Variants in CCSER1 observed in about 807,000 individuals in gnomAD.
CCSER1 encodes coiled-coil serine rich protein 1.
CCSER1 carries 41 observed loss-of-function variants against 82.0 expected under a neutral mutation model. That is an observed-to-expected ratio of 0.50 (90% confidence interval 0.39 to 0.65). CCSER1 has a LOEUF of 0.65. Among genes scored for constraint, CCSER1 ranks in the 30% least tolerant of loss-of-function variants. The pLI is 0.00. For missense variants in CCSER1, 1,119 were observed against 1,064.2 expected, an observed-to-expected ratio of 1.05 and a Z score of -0.72; for synonymous variants, 414 against 383.9, an observed-to-expected ratio of 1.08 and a Z score of -0.92.
chr4:90,643,437 A>G (rs1579664756), intron 6 of CCSER1, among the ~76,000 whole-genome samples: 1 of 152,302 alleles, frequency 6.6e-6, no homozygotes, highest in East Asian at 1.9e-4. Flanking sequence ...CATTAGTTTT[A>G]GGAGCAAGAA....
At chr4:91,376,423 A>G (rs1409359551) in intron 10 of CCSER1, among the ~76,000 whole-genome samples, 1 of 152,184 alleles carries the variant, frequency 6.6e-6, no homozygotes, top group Admixed American at 6.6e-5. Flanking sequence ...ATCTAAACAC[A>G]GGAAAGGTAC....
chr4:91,236,686 T>C (rs1739037524), intron 10 of CCSER1, among the ~76,000 whole-genome samples: 1 of 152,186 alleles, frequency 6.6e-6, no homozygotes, highest in African/African-American at 2.4e-5. Context: ...ATTTTCTAGT[T>C]TCCAAGAAAC....
At chr4:90,690,755 T>C (rs937141364) in intron 6 of CCSER1, among the ~76,000 whole-genome samples, 19 of 152,038 alleles carry the variant, frequency 1.2e-4, no homozygotes, top group African/African-American at 4.3e-4. Flanking sequence ...TTTATGTCTC[T>C]CTTTAAGTTA....
intron 10 of CCSER1, among the ~76,000 whole-genome samples, chr4:91,305,683 G>GT (rs1745007435): frequency 6.6e-6 from 1 of 151,506 alleles, no homozygotes; most frequent in African/African-American, 2.4e-5. Flanking sequence ...GTGTGCATGT[G>GT]TGTATTAGTC....
chr4:91,225,324 GTAT>G (rs1343952501), intron 10 of CCSER1, among the ~76,000 whole-genome samples: 2 of 118,774 alleles, frequency 1.7e-5, no homozygotes, highest in East Asian at 2.4e-4. Context: ...TAATATATAT[GTAT>G]ATATATTATA....
rs549993933 is a variant in CCSER1 at position 91,230,331 on chromosome 4, G to A, written c.2217+144337G>A. On this transcript the variant is annotated intron_variant, in intron 10 of 10. Transcript: ENST00000509176. ...AGCAAGAGTTTGGAAAGAAAGGGAC[G>A]AGGAAAGTTGGAGGCAGCTCCTTCC... Among the ~76,000 whole-genome samples the A allele has an allele frequency of 3.1e-3, 474 of 152,144 alleles. 1 individual carries two copies. The highest frequency in any genetic ancestry group is 0.011 in the African/African-American group (442 of 41,536).
chr4:90,663,645 A>G (rs1294738562), intron 6 of CCSER1, among the ~76,000 whole-genome samples: 1 of 152,190 alleles, frequency 6.6e-6, no homozygotes, highest in Non-Finnish European at 1.5e-5. Context: ...TACCACACCC[A>G]GCCTATACTT....
intron 10 of CCSER1, among the ~76,000 whole-genome samples, chr4:91,369,279 A>T (rs1749850217): frequency 6.6e-6 from 1 of 152,216 alleles, no homozygotes; most frequent in Admixed American, 6.5e-5. Context: ...CGGCGATGAA[A>T]CAAGGCAACA....
chr4:90,948,586 T>G (rs1732538744), intron 9 of CCSER1, among the ~76,000 whole-genome samples: 1 of 152,022 alleles, frequency 6.6e-6, no homozygotes, highest in Admixed American at 6.6e-5. Context: ...ATACACAGAT[T>G]ATGAGAATAT....
intron 10 of CCSER1, among the ~76,000 whole-genome samples, chr4:91,444,913 G>A (rs931523369): frequency 2.0e-5 from 3 of 152,190 alleles, no homozygotes; most frequent in African/African-American, 7.2e-5. Context: ...CTCACACTAT[G>A]GCTAAACATT....
intron 3 of CCSER1, among the ~76,000 whole-genome samples, chr4:90,327,215 C>T (rs1738382462): frequency 6.6e-6 from 1 of 152,138 alleles, no homozygotes; most frequent in Non-Finnish European, 1.5e-5. Context: ...TTTGAATGCT[C>T]TCCTCAAAAT....
At chr4:90,528,821 G>C (rs1004224314) in intron 5 of CCSER1, among the ~76,000 whole-genome samples, 1 of 152,092 alleles carries the variant, frequency 6.6e-6, no homozygotes, top group Non-Finnish European at 1.5e-5. Context: ...AGGTCACCTT[G>C]TCTGTTTTTA....
At chr4:90,784,129 T>C (rs1754163452) in intron 7 of CCSER1, among the ~76,000 whole-genome samples, 1 of 152,164 alleles carries the variant, frequency 6.6e-6, no homozygotes, top group Non-Finnish European at 1.5e-5. Context: ...AGAGAGTAAA[T>C]AAGCTAAAAG....
At chr4:90,701,109 G>A (rs1047843239) in intron 6 of CCSER1, among the ~76,000 whole-genome samples, 17 of 152,088 alleles carry the variant, frequency 1.1e-4, no homozygotes, top group African/African-American at 4.1e-4. Flanking sequence ...GGGTTTTTAT[G>A]GTTTTAGGTT....
intron 9 of CCSER1, among the ~76,000 whole-genome samples, chr4:90,933,651 T>A (rs546688850): frequency 9.2e-4 from 139 of 151,122 alleles, no homozygotes; most frequent in Non-Finnish European, 1.8e-3. Flanking sequence ...TGTAAAAAAA[T>A]ACTTGGTGTG....
At chr4:91,357,759 C>T (rs183029033) in intron 10 of CCSER1, among the ~76,000 whole-genome samples, 1 of 150,834 alleles carries the variant, frequency 6.6e-6, no homozygotes, top group African/African-American at 2.4e-5. Flanking sequence ...GACAATTTTT[C>T]AACATGTCTC....
intron 9 of CCSER1, among the ~76,000 whole-genome samples, chr4:90,999,268 A>C (rs560145553): frequency 2.6e-5 from 4 of 152,258 alleles, no homozygotes; most frequent in African/African-American, 9.6e-5. Flanking sequence ...TGTTGGGTTG[A>C]ATGGTAGTTC....
intron 10 of CCSER1, among the ~76,000 whole-genome samples, chr4:91,143,171 A>C (rs1729199517): frequency 6.6e-6 from 1 of 150,682 alleles, no homozygotes; most frequent in South Asian, 2.1e-4. Context: ...AGTTTTTTGT[A>C]GTTTTCCTTG....
intron 6 of CCSER1, among the ~76,000 whole-genome samples, chr4:90,651,565 C>A (rs566634977): frequency 2.0e-5 from 3 of 152,140 alleles, no homozygotes; most frequent in Middle Eastern, 6.8e-3. Context: ...GGAGGGATAG[C>A]ATTAGGAGAA....
Sources: allele counts gnomAD v4.1 joint callset (sites outside exome capture counted in the v4.1 genomes callset), GRCh38; gene constraint gnomAD v4.1.1; transcripts MANE v1.5; gene names NCBI Gene and HGNC (gene_info 2026-07-23, HGNC 2026-07-21).